The following PCNX2 variants were observed in gnomAD, a reference collection of about 807,000 sequenced individuals.
The protein encoded by PCNX2 is pecanex-like protein 2.
A neutral mutation model predicts 223.8 loss-of-function variants in PCNX2; 168 were observed. The observed-to-expected ratio is 0.75, with a 90% CI of 0.66 to 0.85. PCNX2 has a LOEUF of 0.85. PCNX2 is among the 40% of genes least tolerant of loss of function. The pLI, the probability that PCNX2 is intolerant of heterozygous loss-of-function variation, is 0.00. For synonymous variants in PCNX2, 1,006 were observed against 1,052.6 expected (o/e 0.96, Z 0.86); for missense variants, 2,507 against 2,675.5 (o/e 0.94, Z 1.39).
the PCNX2 span, among the ~76,000 whole-genome samples, chr1:233,312,790 G>T: frequency 6.6e-6 from 1 of 152,078 alleles, no homozygotes; most frequent in Admixed American, 6.5e-5. Flanking sequence ...AATATGTAAA[G>T]GATGTCTAGT....
At chr1:233,281,798 A>G (rs1448787711) in intron 1 of PCNX2, among the ~76,000 whole-genome samples, 1 of 152,166 alleles carries the variant, frequency 6.6e-6, no homozygotes, top group East Asian at 1.9e-4. Context: ...CACAGTCTGT[A>G]ATATGCACTA....
chr1:233,112,712 A>ACTCTGTC, intron 21 of PCNX2: 1 of 550,214 alleles, frequency 1.8e-6, no homozygotes, highest in Non-Finnish European at 2.2e-6. Context: ...TAGATCTTTG[A>ACTCTGTC]ACAATATAAC....
chr1:233,033,287 A>G (rs1435828308), intron 25 of PCNX2: 1 of 777,270 alleles, frequency 1.3e-6, no homozygotes, highest in East Asian at 1.3e-4. Context: ...AAAGGTATAC[A>G]TAGTATGAAA....
the PCNX2 span, among the ~76,000 whole-genome samples, chr1:233,319,621 A>G: frequency 6.6e-6 from 1 of 152,248 alleles, no homozygotes; most frequent in Non-Finnish European, 1.5e-5. Context: ...CCGTGTTATC[A>G]CAAGGTTTTG....
chr1:232,986,593 T>TA, intron 32 of PCNX2, 53 bp from the exon 33 acceptor site: 1 of 1,430,984 alleles, frequency 7.0e-7, no homozygotes, highest in Non-Finnish European at 9.2e-7. Context: ...TGAACATCGA[T>TA]ACCTGTGTGG....
intron 23 of PCNX2, among the ~76,000 whole-genome samples, chr1:233,064,778 T>A (rs1672530325): frequency 6.6e-6 from 1 of 152,150 alleles, no homozygotes; most frequent in African/African-American, 2.4e-5. Flanking sequence ...TTAGCAGGTA[T>A]AAAAGTTTTG....
At position 233,263,049 on chromosome 1, in the gene PCNX2, C is replaced by T. The variant is rs1295404831; in HGVS notation, c.268G>A (p.Val90Ile). Residue 90 changes from valine (V) to isoleucine (I), a missense_variant, in exon 2 of 34, where the codon GTA becomes ATA. By Grantham distance (29) the Val-to-Ile change is conservative. Around this residue, in one of 3 missense-constraint regions of PCNX2, gnomAD observed 1,031 missense variants for 1,021.7 expected, o/e 1.01. Transcript: ENST00000258229. ...RLHLMFDKGEVIQQKPSRKEE... is the reference protein window; with the variant it reads ...RLHLMFDKGEIIQQKPSRKEE... ...TTTCTGGAGGGCTTTTGCTGAATTACTTCTCCTTTGTCAAACATGAGGTGT... is the reference window on the plus strand; with the variant it reads ...TTTCTGGAGGGCTTTTGCTGAATTATTTCTCCTTTGTCAAACATGAGGTGT... 2 of 1,613,754 alleles carry T rather than the reference C, an allele frequency of 1.2e-6. No individual in the cohort carries two copies. Among genetic ancestry groups the T allele is most frequent in the South Asian group, 1.1e-5 (1 of 91,078 alleles).
At chr1:233,051,860 A>G (rs1672018227) in intron 25 of PCNX2, among the ~76,000 whole-genome samples, 1 of 152,208 alleles carries the variant, frequency 6.6e-6, no homozygotes, top group Non-Finnish European at 1.5e-5. Context: ...TTGAAATTAT[A>G]TTTAAAAAGG....
chr1:232,987,154 TCTC>T (rs1669521309), intron 32 of PCNX2, among the ~76,000 whole-genome samples: 2 of 152,226 alleles, frequency 1.3e-5, no homozygotes, highest in Non-Finnish European at 2.9e-5. Flanking sequence ...CCCATGCTCT[TCTC>T]AGCCAGCCCC....
intron 16 of PCNX2, among the ~76,000 whole-genome samples, chr1:233,178,743 C>T (rs1679627913): frequency 1.3e-5 from 2 of 152,172 alleles, no homozygotes; most frequent in Admixed American, 1.3e-4. Flanking sequence ...GAGGAGGCAG[C>T]TTCTTACCCA....
intron 15 of PCNX2, 128 bp from the exon 16 acceptor site, chr1:233,179,303 C>T: frequency 2.1e-6 from 2 of 966,504 alleles, no homozygotes; most frequent in Non-Finnish European, 1.5e-6. Context: ...TTATTCCTGC[C>T]CACGGACATA....
rs1672094077 is a variant in PCNX2, at chr1:233,053,863, G to A, written c.4351+405C>T. ...TTATTATTATTTTGCAGATAGGAAA[G>A]AAAAGCTCTAAGACCTTAAATGATT... On this transcript the variant is annotated intron_variant, in intron 25 of 33. Transcript: ENST00000258229. Among the ~76,000 whole-genome samples the A allele has an allele frequency of 2.0e-5, 3 of 152,172 alleles. 1 individual carries two copies. The highest frequency in any genetic ancestry group is 7.2e-5 in the African/African-American group (3 of 41,436).
intron 8 of PCNX2, chr1:233,241,206 G>C (rs557104126): frequency 1.0e-6 from 1 of 985,216 alleles, no homozygotes; most frequent in Non-Finnish European, 1.2e-6. Flanking sequence ...TGTGAGTATC[G>C]GAGAAAAAGG....
intron 17 of PCNX2, among the ~76,000 whole-genome samples, chr1:233,175,045 C>T (rs1363472663): frequency 6.6e-6 from 1 of 152,074 alleles, no homozygotes; most frequent in African/African-American, 2.4e-5. Context: ...GGCTAGAAAA[C>T]TGAAATCTAA....
intron 19 of PCNX2, among the ~76,000 whole-genome samples, chr1:233,148,430 CTTT>C (rs3033312): frequency 6.9e-6 from 1 of 144,108 alleles, no homozygotes; most frequent in African/African-American, 2.5e-5. Context: ...TTTTTCTTTT[CTTT>C]TTTTTTTTTT....
At chr1:233,200,451 G>A (rs1055320110) in intron 13 of PCNX2, among the ~76,000 whole-genome samples, 187 bp from the exon 14 acceptor site, 14 of 146,480 alleles carry the variant, frequency 9.6e-5, no homozygotes, top group African/African-American at 3.6e-4. Context: ...GTGCAGTGGC[G>A]CGATCTCGGC....
intron 21 of PCNX2, among the ~76,000 whole-genome samples, chr1:233,099,686 T>A (rs1674374930): frequency 1.3e-5 from 2 of 152,160 alleles, no homozygotes; most frequent in African/African-American, 2.4e-5. Flanking sequence ...AAAATGAGTG[T>A]GTATCAAAAC....
At chr1:233,176,176 AGC>A (rs1679463276) in intron 17 of PCNX2, among the ~76,000 whole-genome samples, 1 of 152,194 alleles carries the variant, frequency 6.6e-6, no homozygotes, top group Non-Finnish European at 1.5e-5. Flanking sequence ...GATGTATGGG[AGC>A]TTACACAATT....
intron 31 of PCNX2, 51 bp downstream of exon 31, chr1:232,999,054 C>A (rs1467067363): frequency 1.3e-6 from 2 of 1,540,702 alleles, no homozygotes; most frequent in Non-Finnish European, 1.8e-6. Context: ...CCCTGCATCC[C>A]CCACACCTTC....
Sources: allele counts gnomAD v4.1 joint callset (sites outside exome capture counted in the v4.1 genomes callset), GRCh38; gene constraint gnomAD v4.1.1; regional missense constraint gnomAD v4.1.1; transcripts MANE v1.5; gene names NCBI Gene and HGNC (gene_info 2026-07-23, HGNC 2026-07-21).